Variants in PKIG observed in about 807,000 individuals in gnomAD.
PKIG encodes the protein cAMP-dependent protein kinase inhibitor gamma, also known as protein kinase (cAMP-dependent, catalytic) inhibitor gamma.
A neutral mutation model predicts 6.8 loss-of-function variants in PKIG; 1 was observed. The ratio of observed to expected loss-of-function variants is 0.15; its 90% CI spans 0.05 to 0.69. PKIG has a LOEUF of 0.69. Ranked by LOEUF, PKIG falls within the 30% of genes least tolerant of loss-of-function variation. The probability of loss-of-function intolerance (pLI) is 0.82; values close to 1 mark genes in which losing one functional copy is unlikely to be tolerated. For missense variants in PKIG, 77 were observed against 104.0 expected (o/e 0.74, Z 1.13); for synonymous variants, 39 against 43.0 (o/e 0.91, Z 0.36).
intron 2 of PKIG, among the ~76,000 whole-genome samples, chr20:44,590,601 G>A (rs2065026180): frequency 1.3e-5 from 2 of 152,210 alleles, no homozygotes; most frequent in Non-Finnish European, 2.9e-5. Flanking sequence ...CAAGTTGGAA[G>A]TACTGGGTCC....
chr20:44,610,492 T>TCACACA (rs1568835327), intron 2 of PKIG, among the ~76,000 whole-genome samples: 8 of 116,050 alleles, frequency 6.9e-5, no homozygotes, highest in African/African-American at 3.3e-4. Context: ...CTCTTCTCTC[T>TCACACA]CTCTCTCTCA....
intron 3 of PKIG, among the ~76,000 whole-genome samples, chr20:44,617,650 C>T (rs2123492714): frequency 6.6e-6 from 1 of 152,214 alleles, no homozygotes; most frequent in East Asian, 1.9e-4. Flanking sequence ...GAAGGAGGTA[C>T]AACACACACC....
chr20:44,572,420 TAAAG>T (rs1164666050), intron 1 of PKIG, among the ~76,000 whole-genome samples: 5 of 152,220 alleles, frequency 3.3e-5, no homozygotes, highest in Admixed American at 1.3e-4. Context: ...ATTCAAGCCT[TAAAG>T]AAAATATGTA....
intron 1 of PKIG, among the ~76,000 whole-genome samples, chr20:44,572,075 C>G (rs1426206753): frequency 6.6e-6 from 1 of 152,232 alleles, no homozygotes; most frequent in Non-Finnish European, 1.5e-5. Flanking sequence ...ACAATCTCAG[C>G]TCATTACAAC....
chr20:44,583,046 C>T (rs1462517648), intron 1 of PKIG, among the ~76,000 whole-genome samples: 1 of 152,176 alleles, frequency 6.6e-6, no homozygotes, highest in East Asian at 1.9e-4. Flanking sequence ...TAAATCTTCC[C>T]TAAGAAATTC....
chr20:44,535,637 A>G (rs2064505691), intron 1 of PKIG, among the ~76,000 whole-genome samples: 1 of 152,176 alleles, frequency 6.6e-6, no homozygotes, highest in African/African-American at 2.4e-5. Context: ...GCAAAACTCC[A>G]TCTCAAAAAA....
intron 1 of PKIG, among the ~76,000 whole-genome samples, chr20:44,538,049 A>T (rs184211340): frequency 2.5e-3 from 388 of 152,296 alleles, no homozygotes; most frequent in Non-Finnish European, 4.3e-3. Context: ...CTTTTGAGAG[A>T]AAAAGGACAA....
At chr20:44,612,564 G>T (rs752276463) in intron 2 of PKIG, among the ~76,000 whole-genome samples, 1 of 152,118 alleles carries the variant, frequency 6.6e-6, no homozygotes, top group African/African-American at 2.4e-5. Context: ...TATCCCCTTC[G>T]CAAATTAACC....
intron 2 of PKIG, among the ~76,000 whole-genome samples, chr20:44,609,748 C>G (rs1702372037): frequency 1.3e-5 from 2 of 152,278 alleles, no homozygotes; most frequent in South Asian, 2.1e-4. Flanking sequence ...GACTCGGAGG[C>G]TCCGGGAGCC....
At chr20:44,610,866 C>T (rs1221852747) in intron 2 of PKIG, among the ~76,000 whole-genome samples, 1 of 151,486 alleles carries the variant, frequency 6.6e-6, no homozygotes, top group East Asian at 1.9e-4. Context: ...TGGCACATTT[C>T]TTTATTATTT....
intron 1 of PKIG, among the ~76,000 whole-genome samples, chr20:44,558,533 T>C (rs1328362974): frequency 6.6e-6 from 1 of 152,102 alleles, no homozygotes; most frequent in Non-Finnish European, 1.5e-5. Flanking sequence ...CTGCCAACAC[T>C]CCAGTCCAAC....
chr20:44,576,124 A>G (rs191648921), intron 1 of PKIG, among the ~76,000 whole-genome samples: 1 of 151,394 alleles, frequency 6.6e-6, no homozygotes, highest in East Asian at 2.0e-4. Context: ...TACAAAAAGT[A>G]TGTTAATGTT....
intron 2 of PKIG, among the ~76,000 whole-genome samples, chr20:44,597,582 A>C (rs1283087569): frequency 6.6e-6 from 1 of 152,162 alleles, no homozygotes; most frequent in Non-Finnish European, 1.5e-5. Flanking sequence ...GAATTAGAGG[A>C]ACTAGAATTG....
chr20:44,587,037 A>G (rs1472698296), intron 1 of PKIG, among the ~76,000 whole-genome samples: 1 of 152,202 alleles, frequency 6.6e-6, no homozygotes, highest in African/African-American at 2.4e-5. Context: ...AACCTAGGTC[A>G]GTTACTGTTT....
chr20:44,589,591 T>G (rs2065018419), intron 1 of PKIG, among the ~76,000 whole-genome samples: 1 of 152,216 alleles, frequency 6.6e-6, no homozygotes, highest in African/African-American at 2.4e-5. Context: ...TCACTGAGTA[T>G]CTTTTTACTT....
chr20:44,584,093 A>G (rs2064969810), intron 1 of PKIG, among the ~76,000 whole-genome samples: 1 of 152,208 alleles, frequency 6.6e-6, no homozygotes. Context: ...TGTTATGCTC[A>G]ACCCTTTACA....
chr20:44,573,753 A>G (rs1568817192), intron 1 of PKIG, among the ~76,000 whole-genome samples: 1 of 152,264 alleles, frequency 6.6e-6, no homozygotes, highest in Non-Finnish European at 1.5e-5. Flanking sequence ...TAGAAATAAC[A>G]TATGTAAAGC....
intron 2 of PKIG, 97 bp downstream of exon 2, chr20:44,589,963 C>T (rs1169975236): frequency 6.6e-6 from 1 of 152,252 alleles, no homozygotes; most frequent in African/African-American, 2.4e-5. Context: ...TACGTAAGTT[C>T]CAAACTAAAT....
At chr20:44,577,626 C>G (rs2064910438), upstream of PKIG, among the ~76,000 whole-genome samples, 1 of 152,124 alleles carries the variant, frequency 6.6e-6, no homozygotes, top group South Asian at 2.1e-4. Context: ...AATCAATATA[C>G]TTCTCAATTA....
Sources: allele counts gnomAD v4.1 joint callset (sites outside exome capture counted in the v4.1 genomes callset), GRCh38; gene constraint gnomAD v4.1.1; transcripts MANE v1.5; gene names NCBI Gene and HGNC (gene_info 2026-07-23, HGNC 2026-07-21).